The following ZNF385D variants were observed in gnomAD, a reference collection of about 807,000 sequenced individuals.
ZNF385D encodes the protein zinc finger protein 659.
ZNF385D carries 15 observed loss-of-function variants against 35.8 expected under a neutral mutation model. That is an observed-to-expected ratio of 0.42 (90% confidence interval 0.28 to 0.64). ZNF385D has a LOEUF of 0.64. Among genes scored for constraint, ZNF385D ranks in the 30% least tolerant of loss-of-function variants. The pLI is 0.23. For missense variants in ZNF385D, 474 were observed against 494.6 expected (o/e 0.96, Z 0.39); for synonymous variants, 212 against 186.8 (o/e 1.13, Z -1.10).
At chr3:22,049,583 T>C (rs557100057) in intron 3 of ZNF385D, among the ~76,000 whole-genome samples, 29 of 152,296 alleles carry the variant, frequency 1.9e-4, no homozygotes, top group African/African-American at 6.3e-4. Context: ...GTGGACATCT[T>C]TGCCTGCTTC....
intron 2 of ZNF385D, among the ~76,000 whole-genome samples, chr3:22,201,365 T>A (rs989099397): frequency 6.6e-6 from 1 of 152,222 alleles, no homozygotes; most frequent in African/African-American, 2.4e-5. Flanking sequence ...TCTGTAACCA[T>A]AAAAAGTTTT....
At chr3:22,137,188 A>G (rs1704189477) in intron 3 of ZNF385D, among the ~76,000 whole-genome samples, 1 of 152,118 alleles carries the variant, frequency 6.6e-6, no homozygotes, top group African/African-American at 2.4e-5. Context: ...ACTTAAGAAT[A>G]GTTCATTAAA....
chr3:22,103,371 G>T (rs1257202463), intron 3 of ZNF385D, among the ~76,000 whole-genome samples: 1 of 151,922 alleles, frequency 6.6e-6, no homozygotes, highest in East Asian at 1.9e-4. Context: ...AACACCCCAA[G>T]AATAAAATTA....
At chr3:21,432,449 A>G (rs1701336738) in intron 5 of ZNF385D, among the ~76,000 whole-genome samples, 1 of 152,172 alleles carries the variant, frequency 6.6e-6, no homozygotes, top group Non-Finnish European at 1.5e-5. Flanking sequence ...GTTTAGCAAA[A>G]ATTATCCAAT....
At chr3:21,717,454 G>A (rs904183974) in intron 1 of ZNF385D, among the ~76,000 whole-genome samples, 11 of 152,130 alleles carry the variant, frequency 7.2e-5, no homozygotes, top group Non-Finnish European at 1.3e-4. Context: ...CAGAGATTGC[G>A]ATCAGTGCTT....
intron 2 of ZNF385D, among the ~76,000 whole-genome samples, chr3:21,621,960 G>C (rs1209861734): frequency 6.6e-6 from 1 of 151,690 alleles, no homozygotes. Flanking sequence ...TACTCTTCTG[G>C]ATTTTAACTT....
intron 3 of ZNF385D, among the ~76,000 whole-genome samples, chr3:22,057,784 G>A (rs894697637): frequency 6.6e-6 from 1 of 152,074 alleles, no homozygotes. Flanking sequence ...AAAGTGCTGG[G>A]ATTACAGGCT....
At chr3:22,023,344 G>C (rs999349762) in intron 3 of ZNF385D, among the ~76,000 whole-genome samples, 76 of 152,246 alleles carry the variant, frequency 5.0e-4, no homozygotes, top group African/African-American at 1.8e-3. Context: ...TAAACTCAAA[G>C]ATCAGGACTG....
At chr3:21,899,427 G>C (rs1469749079) in intron 3 of ZNF385D, among the ~76,000 whole-genome samples, 1 of 152,106 alleles carries the variant, frequency 6.6e-6, no homozygotes, top group Non-Finnish European at 1.5e-5. Flanking sequence ...GTTATCTAAA[G>C]GGCTTGTTAA....
intron 1 of ZNF385D, among the ~76,000 whole-genome samples, chr3:21,706,784 C>G (rs555064380): frequency 6.6e-6 from 1 of 151,780 alleles, no homozygotes; most frequent in South Asian, 2.1e-4. Flanking sequence ...TCTGAGAGAG[C>G]AGCATTTAGA....
chr3:21,478,638 C>T (rs1201641354), intron 4 of ZNF385D, among the ~76,000 whole-genome samples: 5 of 152,140 alleles, frequency 3.3e-5, no homozygotes, highest in Non-Finnish European at 4.4e-5. Flanking sequence ...AAAATCCTCA[C>T]GCTTAGGCGT....
chr3:22,074,671 A>G (rs1700381436), intron 3 of ZNF385D, among the ~76,000 whole-genome samples: 1 of 151,904 alleles, frequency 6.6e-6, no homozygotes, highest in Non-Finnish European at 1.5e-5. Context: ...TTATGCTCCC[A>G]TTCTCCAATG....
chr3:21,979,255 G>T (rs1382818054), intron 3 of ZNF385D, among the ~76,000 whole-genome samples: 2 of 151,612 alleles, frequency 1.3e-5, no homozygotes, highest in Non-Finnish European at 2.9e-5. Context: ...AAACAGAAGG[G>T]GGAAAAAAAC....
At chr3:22,171,736 G>T (rs112252226) in intron 2 of ZNF385D, among the ~76,000 whole-genome samples, 2 of 151,786 alleles carry the variant, frequency 1.3e-5, no homozygotes, top group African/African-American at 4.8e-5. Context: ...AATTAGCCGG[G>T]CGTGGTGCCA....
At chr3:21,773,874 A>G (rs2125619187) in intron 3 of ZNF385D, among the ~76,000 whole-genome samples, 1 of 152,150 alleles carries the variant, frequency 6.6e-6, no homozygotes, top group South Asian at 2.1e-4. Context: ...TTCCTCAAAG[A>G]CCTAGAGGCA....
chr3:21,907,526 A>AT (rs1350672207), intron 3 of ZNF385D, among the ~76,000 whole-genome samples: 1 of 152,054 alleles, frequency 6.6e-6, no homozygotes, highest in African/African-American at 2.4e-5. Flanking sequence ...GGTATTTCCC[A>AT]TTTTTTTGTT....
At chr3:21,781,109 G>A (rs2071472222) in intron 3 of ZNF385D, among the ~76,000 whole-genome samples, 1 of 152,070 alleles carries the variant, frequency 6.6e-6, no homozygotes, top group Non-Finnish European at 1.5e-5. Flanking sequence ...ATAAGCAAGA[G>A]AGGTAACCCG....
chr3:22,252,010 T>C (rs1340205206), intron 2 of ZNF385D, among the ~76,000 whole-genome samples: 1 of 152,098 alleles, frequency 6.6e-6, no homozygotes, highest in Non-Finnish European at 1.5e-5. Context: ...ATAAATGTTA[T>C]TTAAAAGCCG....
At chr3:22,270,865 C>T (rs556745841) in intron 2 of ZNF385D, among the ~76,000 whole-genome samples, 1 of 151,886 alleles carries the variant, frequency 6.6e-6, no homozygotes, top group Non-Finnish European at 1.5e-5. Context: ...TCTGAAATGC[C>T]CTTTGCAATT....
Sources: gnomAD v4.1 joint callset for allele counts (sites outside exome capture counted in the v4.1 genomes callset) on GRCh38, gnomAD v4.1.1 for gene constraint, MANE v1.5 for transcripts, NCBI Gene and HGNC (gene_info 2026-07-23, HGNC 2026-07-21) for gene names.